Variants in HACE1 observed in about 807,000 individuals in gnomAD.
HACE1 encodes HECT domain and ankyrin repeat containing E3 ubiquitin protein ligase 1, also known as E3 ubiquitin-protein ligase HACE1.
A neutral mutation model predicts 118.4 loss-of-function variants in HACE1; 73 were observed. That is an observed-to-expected ratio of 0.62 (90% confidence interval 0.51 to 0.75). The LOEUF (loss-of-function observed/expected upper bound fraction) is 0.75, where lower values mean the gene tolerates loss of function less well. Among genes scored for constraint, HACE1 ranks in the 30% least tolerant of loss-of-function variants. HACE1 has a pLI of 0.00. For missense variants in HACE1, 749 were observed against 1,102.2 expected (o/e 0.68, Z 4.54); for synonymous variants, 368 against 374.8 (o/e 0.98, Z 0.21).
chr6:104,799,969 G>A (rs541757346), intron 7 of HACE1, among the ~76,000 whole-genome samples: 37 of 152,178 alleles, frequency 2.4e-4, no homozygotes, highest in African/African-American at 6.3e-4. Flanking sequence ...AAGGGAAGCC[G>A]TGACAGACTA....
At chr6:104,854,661 G>A (rs1776549492) in intron 1 of HACE1, among the ~76,000 whole-genome samples, 1 of 151,762 alleles carries the variant, frequency 6.6e-6, no homozygotes, top group Non-Finnish European at 1.5e-5. Context: ...AGGACAAACT[G>A]TATATGGACT....
intron 3 of HACE1, among the ~76,000 whole-genome samples, chr6:104,849,811 G>A (rs1268080827): frequency 6.6e-6 from 1 of 151,482 alleles, no homozygotes. Flanking sequence ...ACCATGCCAG[G>A]CTACTTTTTT....
rs567984360 is a variant in HACE1, at chr6:104,831,591, A to AG, written c.534+1450_534+1451insC. Among the ~76,000 whole-genome samples, 956 of 139,012 alleles carry AG rather than the reference A, an allele frequency of 6.9e-3. 7 individuals are homozygous for AG. Among genetic ancestry groups the AG allele is most frequent in the African/African-American group, 0.025 (929 of 37,174 alleles). The allele number at this position is 139,012 out of a possible 152,430, so 91.2% of individuals were successfully genotyped here. A position where few individuals can be genotyped will look rare whatever the true frequency, so the allele number is the denominator to read the frequency against. ...CAGAGCGAGCCTCCGTCTCAAAAAA[A>AG]AAAAGAAAAGAAAAGAAAGAGGCCG... On this transcript the variant is annotated intron_variant, in intron 6 of 23. Coordinates refer to ENST00000262903, the MANE Select transcript of HACE1 (RefSeq NM_020771.4).
chr6:104,812,982 G>C (rs1310175925), intron 6 of HACE1, among the ~76,000 whole-genome samples: 1 of 87,548 alleles, frequency 1.1e-5, no homozygotes, highest in East Asian at 3.4e-4. Flanking sequence ...CTCTGGACTG[G>C]GAGACAAGAC....
chr6:104,751,955 C>CCAA (rs575449029), intron 19 of HACE1, among the ~76,000 whole-genome samples: 46 of 125,300 alleles, frequency 3.7e-4, no homozygotes, highest in Non-Finnish European at 6.9e-4. Flanking sequence ...AAAAACCAAA[C>CCAA]AAAAAAAAAA....
chr6:104,793,422 T>C (rs1182446854), intron 10 of HACE1, among the ~76,000 whole-genome samples: 2 of 152,206 alleles, frequency 1.3e-5, no homozygotes, highest in African/African-American at 4.8e-5. Flanking sequence ...CTACCTTTAC[T>C]TTCAATCATA....
chr6:104,731,570 T>C (rs1775206104), intron 22 of HACE1: 1 of 151,976 alleles, frequency 6.6e-6, no homozygotes, highest in Non-Finnish European at 1.5e-5. Context: ...CTCACATACA[T>C]AATGAAATGA....
intron 14 of HACE1, 62 bp downstream of exon 14, chr6:104,784,024 G>A (rs1384934549): frequency 1.2e-6 from 1 of 833,182 alleles, no homozygotes; most frequent in African/African-American, 1.7e-5. Context: ...CCACTAAACA[G>A]TATTAGAATT....
Position 104,777,218 on chromosome 6 carries a change from G to A in HACE1, c.1666C>T (p.Leu556=). 1 of 1,609,122 alleles carries A rather than the reference G, an allele frequency of 6.2e-7. No homozygotes were observed. Residue 556 remains leucine (L), a synonymous_variant, in exon 15 of 24, where the codon CTG becomes TTG. Coordinates refer to ENST00000262903, the MANE Select transcript of HACE1 (RefSeq NM_020771.4). ...HRPVNENDIL[L]VHRDSIFRSS... is the part of the protein sequence containing the mutation. ...TTGTTAAGCATACCTCTGTGAACCA[G>A]CAGGATATCATTTTCATTCACTGGC...
At chr6:104,831,284 C>T (rs959026060) in intron 6 of HACE1, 2 of 152,056 alleles carry the variant, frequency 1.3e-5, no homozygotes, top group Non-Finnish European at 2.9e-5. Flanking sequence ...TTTTAGAAAC[C>T]TAGAGTAAGA....
In HACE1 at chr6:104,729,604, A is replaced by G; in HGVS notation, c.*58T>C. 2.2e-6 allele frequency: 2 copies of G among 891,050 alleles called. No individual in the cohort carries two copies. Among genetic ancestry groups the G allele is most frequent in the Non-Finnish European group, 1.9e-6 (1 of 521,808 alleles). 55.2% of individuals were successfully genotyped at this position (891,050 alleles called of 1,614,324 possible). A position where few individuals can be genotyped will look rare whatever the true frequency, so the allele number is the denominator to read the frequency against. ...CTGCTTTTTTGTTGACATTTTCCCAAATTACTTCTGCCATTCTGAATTGTG... is the reference window on the plus strand; with the variant it reads ...CTGCTTTTTTGTTGACATTTTCCCAGATTACTTCTGCCATTCTGAATTGTG... On this transcript the variant is annotated 3_prime_UTR_variant, in exon 24 of 24. Transcript: ENST00000262903.
chr6:104,753,729 C>CCA (rs1415601033), intron 19 of HACE1, among the ~76,000 whole-genome samples: 4 of 152,140 alleles, frequency 2.6e-5, no homozygotes, highest in African/African-American at 9.6e-5. Context: ...CAAAAAGACC[C>CCA]CACAAAAACC....
intron 6 of HACE1, among the ~76,000 whole-genome samples, chr6:104,822,384 G>GAA (rs751726472): frequency 7.6e-5 from 7 of 91,520 alleles, no homozygotes; most frequent in African/African-American, 1.2e-4. Flanking sequence ...CTCCATCTCA[G>GAA]AAAAAAAAAA....
At chr6:104,813,785 G>A (rs78028389) in intron 6 of HACE1, among the ~76,000 whole-genome samples, 31,320 of 136,460 alleles carry the variant, frequency 0.23, 8,357 homozygotes, top group African/African-American at 0.37. Flanking sequence ...ACTGAAGCAG[G>A]CCTCTAACCT....
intron 22 of HACE1, among the ~76,000 whole-genome samples, chr6:104,740,805 T>C (rs1441281222): frequency 3.4e-4 from 47 of 137,496 alleles, no homozygotes; most frequent in Admixed American, 1.4e-3. Flanking sequence ...CCCTAACTCA[T>C]TTTATGAGGC....
intron 22 of HACE1, 62 bp downstream of exon 22, chr6:104,744,098 C>G (rs1317854963): frequency 2.1e-6 from 2 of 958,226 alleles, no homozygotes; most frequent in African/African-American, 3.2e-5. Flanking sequence ...TTAGTTATCT[C>G]TAAGCCATTA....
At chr6:104,801,810 C>A (rs1770391479) in intron 7 of HACE1, among the ~76,000 whole-genome samples, 1 of 152,042 alleles carries the variant, frequency 6.6e-6, no homozygotes, top group South Asian at 2.1e-4. Context: ...AATTAACGGG[C>A]AAGATAACCA....
intron 6 of HACE1, chr6:104,831,044 C>A (rs917281258): frequency 6.6e-6 from 1 of 152,070 alleles, no homozygotes; most frequent in African/African-American, 2.4e-5. Context: ...TACTGGCACA[C>A]ACCTGTACAT....
At chr6:104,822,323 C>A (rs1772833782) in intron 6 of HACE1, among the ~76,000 whole-genome samples, 1 of 148,584 alleles carries the variant, frequency 6.7e-6, no homozygotes, top group Non-Finnish European at 1.5e-5. Context: ...GCAGAGCTTG[C>A]AGTGAGCCGC....
Sources: gnomAD v4.1 joint callset for allele counts (sites outside exome capture counted in the v4.1 genomes callset) on GRCh38, gnomAD v4.1.1 for gene constraint, MANE v1.5 for transcripts, NCBI Gene and HGNC (gene_info 2026-07-23, HGNC 2026-07-21) for gene names.